ZNF827: variants seen among roughly 807,000 people sequenced by gnomAD.
The protein encoded by ZNF827 is zinc finger protein 827.
Under a neutral mutation model 102.4 loss-of-function variants are expected in ZNF827, and 13 were observed. The ratio of observed to expected loss-of-function variants is 0.13; its 90% CI spans 0.08 to 0.20. The LOEUF (loss-of-function observed/expected upper bound fraction) is 0.20, where lower values mean the gene tolerates loss of function less well. Among genes scored for constraint, ZNF827 ranks in the 10% least tolerant of loss-of-function variants. The pLI, the probability that ZNF827 is intolerant of heterozygous loss-of-function variation, is 1.00. For missense variants in ZNF827, 1,103 were observed against 1,344.4 expected (o/e 0.82, Z 2.81); for synonymous variants, 523 against 536.2 (o/e 0.98, Z 0.34).
intron 8 of ZNF827, among the ~76,000 whole-genome samples, chr4:145,783,564 T>G (rs377503512): frequency 2.6e-5 from 4 of 152,260 alleles, no homozygotes; most frequent in African/African-American, 9.6e-5. Context: ...TATTTTCAGT[T>G]AACCCAACAG....
At chr4:145,831,151 G>A (rs759022015) in intron 7 of ZNF827, 1 of 152,292 alleles carries the variant, frequency 6.6e-6, no homozygotes, top group Non-Finnish European at 1.5e-5. Context: ...CGGATGGCAG[G>A]TTAGGGAATG....
In ZNF827 at chr4:145,852,285, G is replaced by C. The variant is rs536087099; in HGVS notation, c.1982-2724C>G. On this transcript the variant is annotated intron_variant, in intron 5 of 14. Coordinates refer to ENST00000508784, the MANE Select transcript of ZNF827 (RefSeq NM_001306215.2). ...TTGACCATGGAATAAAAAATCACCT[G>C]GCTATTTGCACCACTAAATTTAATG... Among the ~76,000 whole-genome samples, 9 of 152,216 alleles carry C rather than the reference G, an allele frequency of 5.9e-5. No individual in the cohort carries two copies. The East Asian group carries it at 1.7e-3, about 29-fold the overall frequency.
chr4:145,800,847 T>C (rs781453192), intron 8 of ZNF827, among the ~76,000 whole-genome samples: 3 of 152,120 alleles, frequency 2.0e-5, no homozygotes, highest in Non-Finnish European at 2.9e-5. Flanking sequence ...TACCTCCCAG[T>C]TGAGAACCAT....
chr4:145,761,103 G>A lies in ZNF827; in HGVS notation c.*513C>T, dbSNP rs1263874383. The A allele has an allele frequency of 7.8e-7, 1 of 1,289,464 alleles. No homozygotes were observed. Among genetic ancestry groups the A allele is most frequent in the Non-Finnish European group, 1.0e-6 (1 of 988,726 alleles). 79.9% of individuals were successfully genotyped at this position (1,289,464 alleles called of 1,614,324 possible). ...ACAGGGGAGACAGGAGATTCCGGGA[G>A]CTCCCGACCACCAGGAGCGGGGCCC... On this transcript the variant is annotated 3_prime_UTR_variant, in exon 15 of 15. Coordinates refer to ENST00000508784, the MANE Select transcript of ZNF827 (RefSeq NM_001306215.2). This position sits in a 1 kb window ranked among gnomAD's most constrained non-coding sequence, Gnocchi z 6.8.
At chr4:145,895,158 T>C (rs1750879310) in intron 2 of ZNF827, among the ~76,000 whole-genome samples, 2 of 152,156 alleles carry the variant, frequency 1.3e-5, no homozygotes, top group Admixed American at 6.5e-5. Flanking sequence ...ACTGAGATGT[T>C]TTCCACTGAC....
At chr4:145,810,659 C>T (rs558263422) in intron 8 of ZNF827, among the ~76,000 whole-genome samples, 22 of 152,234 alleles carry the variant, frequency 1.4e-4, no homozygotes, top group Non-Finnish European at 2.5e-4. Context: ...GATCATGTCA[C>T]GCATGTTGTC....
chr4:145,880,030 T>C (rs1475938319), intron 4 of ZNF827, among the ~76,000 whole-genome samples: 2 of 151,836 alleles, frequency 1.3e-5, no homozygotes, highest in Non-Finnish European at 2.9e-5. Context: ...AGGTCAGGAG[T>C]TCAAGACCAG....
intron 1 of ZNF827, among the ~76,000 whole-genome samples, chr4:145,934,321 G>A (rs1209184582): frequency 6.6e-6 from 1 of 152,136 alleles, no homozygotes; most frequent in South Asian, 2.1e-4. Flanking sequence ...TTCTGTATAT[G>A]TATAAGGCCC....
chr4:145,804,809 C>T (rs1292785176), intron 8 of ZNF827, among the ~76,000 whole-genome samples: 1 of 152,130 alleles, frequency 6.6e-6, no homozygotes, highest in African/African-American at 2.4e-5. Context: ...CTAAAAGATG[C>T]CTATTATGTA....
At position 145,870,276 on chromosome 4, in the gene ZNF827, T is replaced by C; in HGVS notation, c.1950A>G (p.Lys650=). ...GTTTCATGAGAAGTTCAGAGGCTGC[T>C]TTGACTGACACATCCCGCCTTAGCA... is the stretch of plus-strand genomic sequence containing the variant. ...GSVLRRDVSV[K]AASELLMKLS... Residue 650 remains lysine (K), a synonymous_variant, in exon 5 of 15, where the codon AAA becomes AAG. Coordinates refer to ENST00000508784, the MANE Select transcript of ZNF827 (RefSeq NM_001306215.2). 1 of 1,614,138 alleles carries C rather than the reference T, an allele frequency of 6.2e-7. No homozygotes were observed.
At chr4:145,800,932 G>T (rs990469637) in intron 8 of ZNF827, among the ~76,000 whole-genome samples, 2 of 152,212 alleles carry the variant, frequency 1.3e-5, no homozygotes, top group African/African-American at 4.8e-5. Context: ...TAGGGATACA[G>T]GCAGGTAGGT....
intron 5 of ZNF827, among the ~76,000 whole-genome samples, chr4:145,857,194 CAG>C (rs1747229416): frequency 6.6e-6 from 1 of 152,178 alleles, no homozygotes; most frequent in African/African-American, 2.4e-5. Flanking sequence ...ATTAAGTAGA[CAG>C]AGGTGAGCAG....
chr4:145,866,469 T>C (rs1748212444), intron 5 of ZNF827, among the ~76,000 whole-genome samples: 1 of 152,222 alleles, frequency 6.6e-6, no homozygotes, highest in Admixed American at 6.5e-5. Flanking sequence ...TTGTAATTTA[T>C]ATGGTTCTCC....
rs376162571 is a variant in ZNF827, at chr4:145,902,843, G to A, written c.416C>T (p.Thr139Met). Residue 139 changes from threonine (T) to methionine (M), a missense_variant, in exon 2 of 15, where the codon ACG (threonine) becomes ATG (methionine). By Grantham distance (81) the Thr-to-Met change is moderately conservative (BLOSUM62 -1). This residue lies in a region of ZNF827 where 441 missense variants were observed against 458.6 expected (regional missense o/e 0.96). Coordinates refer to ENST00000508784, the MANE Select transcript of ZNF827 (RefSeq NM_001306215.2). This position sits in a 1 kb window ranked among gnomAD's most constrained non-coding sequence, Gnocchi z 4.3. The stretch of plus-strand genomic sequence containing the variant: ...GGGGGACTCCACTCTGCCATTAGCC[G>A]TGGCTGCAGCATCGAGTTTGAGGGA... ...AGSLKLDAAA[T>M]ANGRVESPVN... 53 of 1,614,006 alleles carry A rather than the reference G, an allele frequency of 3.3e-5. No homozygotes were observed. In the South Asian group the frequency reaches 4.3e-4, roughly 13 times the overall value.
chr4:145,773,641 G>A (rs1212985579), intron 11 of ZNF827, among the ~76,000 whole-genome samples: 1 of 152,218 alleles, frequency 6.6e-6, no homozygotes, highest in Non-Finnish European at 1.5e-5. Flanking sequence ...TAATTGCATG[G>A]TGAAGTCAGA....
chr4:145,925,960 C>T (rs986373332), intron 1 of ZNF827, among the ~76,000 whole-genome samples: 8 of 152,120 alleles, frequency 5.3e-5, no homozygotes, highest in Admixed American at 4.6e-4. Context: ...ATGTATATTC[C>T]TTCTAACTTC....
chr4:145,916,374 G>A (rs1470031773), intron 1 of ZNF827, among the ~76,000 whole-genome samples: 1 of 152,162 alleles, frequency 6.6e-6, no homozygotes, highest in African/African-American at 2.4e-5. Flanking sequence ...GGGGTGAACT[G>A]GGGGCATGAG....
chr4:145,936,849 C>T lies in ZNF827; in HGVS notation c.43+1516G>A, dbSNP rs890157107. Among the ~76,000 whole-genome samples the T allele has an allele frequency of 7.9e-5, 12 of 152,240 alleles. No homozygotes were observed. In the East Asian group the frequency reaches 2.1e-3, roughly 27 times the overall value. On this transcript the variant is annotated intron_variant, in intron 1 of 14. Coordinates refer to ENST00000508784, the MANE Select transcript of ZNF827 (RefSeq NM_001306215.2). ...GCGGGCGCTCCGGCTCCACTCCCGC[C>T]CCCAGCCCGGGTTTTGCAGGATCGG...
At chr4:145,807,337 ATAGAAG>A (rs1223494665) in intron 8 of ZNF827, among the ~76,000 whole-genome samples, 1 of 152,220 alleles carries the variant, frequency 6.6e-6, no homozygotes, top group African/African-American at 2.4e-5. Flanking sequence ...ATTTTTCTTT[ATAGAAG>A]TGTTTCATGC....
Sources: allele counts gnomAD v4.1 joint callset (sites outside exome capture counted in the v4.1 genomes callset), GRCh38; gene constraint gnomAD v4.1.1; regional missense constraint gnomAD v4.1.1; non-coding constraint Gnocchi (gnomAD v3.1); transcripts MANE v1.5; gene names NCBI Gene and HGNC (gene_info 2026-07-23, HGNC 2026-07-21).